Variants in MAST4 observed in about 807,000 individuals in gnomAD.
The protein encoded by MAST4 is microtubule associated serine/threonine kinase family member 4, also known as microtubule-associated serine/threonine-protein kinase 4.
Under a neutral mutation model 162.7 loss-of-function variants are expected in MAST4, and 89 were observed. The ratio of observed to expected loss-of-function variants is 0.55; its 90% CI spans 0.46 to 0.65. The LOEUF (loss-of-function observed/expected upper bound fraction) is 0.65. Among genes scored for constraint, MAST4 ranks in the 30% least tolerant of loss-of-function variants. MAST4 has a pLI of 0.00. For missense variants in MAST4, 3,153 were observed against 3,374.0 expected (o/e 0.93, Z 1.62); for synonymous variants, 1,479 against 1,361.1 (o/e 1.09, Z -1.91).
intron 1 of MAST4, among the ~76,000 whole-genome samples, chr5:66,724,162 C>T (rs1017151831): frequency 1.3e-5 from 2 of 152,270 alleles, no homozygotes; most frequent in East Asian, 3.9e-4. Context: ...AATTTTCTTC[C>T]TAGCAGAGGA....
At chr5:66,644,573 C>T (rs562547143) in intron 1 of MAST4, among the ~76,000 whole-genome samples, 1 of 152,176 alleles carries the variant, frequency 6.6e-6, no homozygotes, top group East Asian at 1.9e-4. Flanking sequence ...GGTAGTATTC[C>T]ATCTGGTATG....
At chr5:66,816,764 C>T (rs1481143217) in intron 3 of MAST4, among the ~76,000 whole-genome samples, 1 of 152,188 alleles carries the variant, frequency 6.6e-6, no homozygotes, top group African/African-American at 2.4e-5. Flanking sequence ...TCCTCTACCC[C>T]ACTTAGAATT....
At chr5:67,124,524 C>T (rs1767976109) in intron 14 of MAST4, among the ~76,000 whole-genome samples, 2 of 152,014 alleles carry the variant, frequency 1.3e-5, no homozygotes, top group Admixed American at 6.6e-5. Flanking sequence ...AAACAAATTT[C>T]AACATGACGA....
At chr5:66,978,741 T>C (rs373987769) in intron 4 of MAST4, among the ~76,000 whole-genome samples, 2 of 152,176 alleles carry the variant, frequency 1.3e-5, no homozygotes, top group East Asian at 3.9e-4. Flanking sequence ...TGAGAGCTAA[T>C]ATAAAGTCAG....
At chr5:67,024,323 A>T (rs949233958) in intron 4 of MAST4, among the ~76,000 whole-genome samples, 1 of 134,534 alleles carries the variant, frequency 7.4e-6, no homozygotes, top group Non-Finnish European at 1.5e-5. Context: ...ATATATATAT[A>T]TCTATATATA....
chr5:66,744,836 G>A (rs912546261), intron 1 of MAST4, among the ~76,000 whole-genome samples: 2 of 152,282 alleles, frequency 1.3e-5, no homozygotes, highest in East Asian at 3.9e-4. Flanking sequence ...AGATTTGAGT[G>A]GGGATACAGA....
intron 4 of MAST4, among the ~76,000 whole-genome samples, chr5:66,901,540 T>C (rs1178347294): frequency 6.6e-6 from 1 of 152,120 alleles, no homozygotes; most frequent in Admixed American, 6.5e-5. Flanking sequence ...AAAAGAATAA[T>C]GACATAAGTT....
intron 1 of MAST4, among the ~76,000 whole-genome samples, chr5:66,666,935 G>A (rs1435731874): frequency 1.3e-5 from 2 of 152,186 alleles, no homozygotes; most frequent in Non-Finnish European, 2.9e-5. Context: ...GTGCAACCAG[G>A]TAGCAGGGCA....
intron 2 of MAST4, among the ~76,000 whole-genome samples, chr5:66,784,167 C>T (rs1311743309): frequency 6.7e-6 from 1 of 150,354 alleles, no homozygotes; most frequent in Non-Finnish European, 1.5e-5. Flanking sequence ...CACGATCACC[C>T]AGACCTCTGG....
At chr5:66,634,239 A>G (rs958617053) in intron 1 of MAST4, among the ~76,000 whole-genome samples, 2 of 152,028 alleles carry the variant, frequency 1.3e-5, no homozygotes, top group Non-Finnish European at 1.5e-5. Context: ...TTGTATTTTT[A>G]GTAGAGACAG....
chr5:66,771,668 A>T (rs1169447535), intron 2 of MAST4, among the ~76,000 whole-genome samples: 1 of 152,138 alleles, frequency 6.6e-6, no homozygotes, highest in African/African-American at 2.4e-5. Context: ...CTTCCCGAGG[A>T]AACAAGATTA....
At position 66,704,492 on chromosome 5, in the gene MAST4, C is replaced by CTTTTTTTTTTTTTT. The variant is rs1172510331; in HGVS notation, c.364-55208_364-55195dup. On this transcript the variant is annotated intron_variant, in intron 1 of 28. Coordinates refer to ENST00000403625, the MANE Select transcript of MAST4 (RefSeq NM_001164664.2). Reference sequence around the variant, plus strand: ...TGCATCCTCTCTGTTGCTTGTTGTTCTTTTTTTTTTTTTTTTTTTTTTGAG... The same window carrying CTTTTTTTTTTTTTT: ...TGCATCCTCTCTGTTGCTTGTTGTTCTTTTTTTTTTTTTTTTTTTTTTTTTTTTTTTTTTTTGAG... Among the ~76,000 whole-genome samples, 27 of 97,352 alleles carry CTTTTTTTTTTTTTT rather than the reference C, an allele frequency of 2.8e-4. 2 individuals are homozygous for CTTTTTTTTTTTTTT. Among genetic ancestry groups the CTTTTTTTTTTTTTT allele is most frequent in the Non-Finnish European group, 3.5e-4 (18 of 51,850 alleles). The allele number at this position is 97,352 out of a possible 152,430, so 63.9% of individuals were successfully genotyped here.
At chr5:66,905,517 C>G (rs1021978386) in intron 4 of MAST4, among the ~76,000 whole-genome samples, 3 of 152,022 alleles carry the variant, frequency 2.0e-5, no homozygotes, top group African/African-American at 7.3e-5. Flanking sequence ...TAACAGTATT[C>G]CTCATTATAG....
At chr5:67,090,319 T>G (rs1763694942) in intron 6 of MAST4, 88 bp downstream of exon 6, 6 of 591,524 alleles carry the variant, frequency 1.0e-5, no homozygotes, top group Admixed American at 3.5e-5. Flanking sequence ...CCCTCCCCAC[T>G]TCTTCCCGTC....
chr5:66,825,410 T>A (rs1422499626), intron 3 of MAST4, among the ~76,000 whole-genome samples: 1 of 152,138 alleles, frequency 6.6e-6, no homozygotes, highest in African/African-American at 2.4e-5. Flanking sequence ...CCATCATATA[T>A]GTGTCCCATC....
chr5:67,095,208 A>G (rs1429886001), intron 6 of MAST4, among the ~76,000 whole-genome samples: 1 of 152,166 alleles, frequency 6.6e-6, no homozygotes, highest in African/African-American at 2.4e-5. Context: ...GCCATGCTGG[A>G]AGTTAGCCCC....
rs546312578 is a variant in MAST4 at position 66,943,259 on chromosome 5, C to T, written c.674+43277C>T. ...AAATGAGGTTGATAATAGTATCTAC[C>T]TCACTGAATTAAATGTGATAATGCA... On this transcript the variant is annotated intron_variant, in intron 4 of 28. Coordinates refer to ENST00000403625, the MANE Select transcript of MAST4 (RefSeq NM_001164664.2). 3.3e-5 allele frequency among the ~76,000 whole-genome samples: 5 copies of T among 152,114 alleles called. No homozygotes were observed. In the South Asian group the frequency reaches 1.0e-3, roughly 32 times the overall value.
At chr5:66,843,767 A>T (rs568468066) in intron 3 of MAST4, among the ~76,000 whole-genome samples, 2 of 152,152 alleles carry the variant, frequency 1.3e-5, no homozygotes, top group Non-Finnish European at 2.9e-5. Flanking sequence ...GGTAGGGTCA[A>T]TTTTCTGGGA....
chr5:66,734,531 C>T (rs1226461323), intron 1 of MAST4, among the ~76,000 whole-genome samples: 2 of 152,182 alleles, frequency 1.3e-5, no homozygotes, highest in Admixed American at 1.3e-4. Context: ...AATGATGTAT[C>T]TGTGAATCTG....
Sources: allele counts gnomAD v4.1 joint callset (sites outside exome capture counted in the v4.1 genomes callset), GRCh38; gene constraint gnomAD v4.1.1; transcripts MANE v1.5; gene names NCBI Gene and HGNC (gene_info 2026-07-23, HGNC 2026-07-21).